KDM2B: variants seen among roughly 807,000 people sequenced by gnomAD.
The protein encoded by KDM2B is lysine demethylase 2B.
In KDM2B, 26 loss-of-function variants were observed where a neutral mutation model predicts 150.0. That is an observed-to-expected ratio of 0.17 (90% CI 0.13 to 0.24). KDM2B has a LOEUF of 0.24. KDM2B is among the 10% of genes least tolerant of loss of function. KDM2B has a pLI of 1.00. For missense variants in KDM2B, 1,265 were observed against 1,816.9 expected (o/e 0.70, Z 5.52); for synonymous variants, 734 against 729.5 (o/e 1.01, Z -0.10).
At chr12:121,416,700 A>G in the KDM2B span, 63 of 222,864 alleles carry the variant, frequency 2.8e-4, no homozygotes, top group African/African-American at 1.3e-3. Flanking sequence ...TACTGTAACT[A>G]TGATTCAGAT....
chr12:121,486,750 G>A (rs1882812077), intron 12 of KDM2B, among the ~76,000 whole-genome samples: 1 of 151,948 alleles, frequency 6.6e-6, no homozygotes, highest in South Asian at 2.1e-4. Context: ...TTGCACCACT[G>A]CACTCCAGCC....
At chr12:121,557,391 C>T (rs562840748) in intron 4 of KDM2B, among the ~76,000 whole-genome samples, 1 of 152,138 alleles carries the variant, frequency 6.6e-6, no homozygotes, top group Admixed American at 6.5e-5. Flanking sequence ...GCGCCTACCA[C>T]CACTTCCGGC....
chr12:121,549,751 C>A lies in KDM2B; in HGVS notation c.398-113G>T. ...CCTCCACGTTTCCCCACAGTCCTCA[C>A]CCCTCTTCCTCATCTGTTCAATTAC... On this transcript the variant is annotated intron_variant, in intron 4 of 22. Transcript: ENST00000377071. This position sits in a 1 kb window ranked among gnomAD's most constrained non-coding sequence, Gnocchi z 4.4. 1 of 921,432 alleles carries A rather than the reference C, an allele frequency of 1.1e-6. No homozygotes were observed. The highest frequency in any genetic ancestry group is 2.7e-5 in the East Asian group (1 of 37,036). 57.1% of individuals were successfully genotyped at this position (921,432 alleles called of 1,614,324 possible). A position where few individuals can be genotyped will look rare whatever the true frequency, so the allele number is the denominator to read the frequency against.
chr12:121,467,637 G>C lies in KDM2B; in HGVS notation c.1735-14293C>G, dbSNP rs1309320133. The C allele has an allele frequency of 6.6e-6, 1 of 150,960 alleles. No homozygotes were observed. The highest frequency in any genetic ancestry group is 1.5e-5 in the Non-Finnish European group (1 of 67,692). 9.4% of individuals were successfully genotyped at this position (150,960 alleles called of 1,614,324 possible). A position where few individuals can be genotyped will look rare whatever the true frequency, so the allele number is the denominator to read the frequency against. On this transcript the variant is annotated intron_variant, in intron 12 of 22. Transcript: ENST00000377071. The surrounding 1 kb of genome is among the most constrained non-coding windows in gnomAD (Gnocchi z 5.1). ...CCCGGCCCGGCCTGGCCCGCGCGCCGCGGGATGCACATGGGTGGCTGCACG... is the reference window on the plus strand; with the variant it reads ...CCCGGCCCGGCCTGGCCCGCGCGCCCCGGGATGCACATGGGTGGCTGCACG...
intron 12 of KDM2B, among the ~76,000 whole-genome samples, chr12:121,478,545 G>A (rs1881658691): frequency 6.6e-6 from 1 of 151,456 alleles, no homozygotes; most frequent in Non-Finnish European, 1.5e-5. Flanking sequence ...ATTTTTAGTA[G>A]AGACGGGGTT....
intron 4 of KDM2B, among the ~76,000 whole-genome samples, chr12:121,573,771 T>C (rs914190154): frequency 6.6e-6 from 1 of 151,734 alleles, no homozygotes; most frequent in Non-Finnish European, 1.5e-5. Flanking sequence ...GTATTTTTAG[T>C]AGAGACGGGG....
chr12:121,551,741 T>C (rs1182897623), intron 4 of KDM2B, among the ~76,000 whole-genome samples: 5 of 151,968 alleles, frequency 3.3e-5, no homozygotes, highest in African/African-American at 4.8e-5. Context: ...TTAGTAGAGA[T>C]GGAGTTTCGC....
rs782485655 is a variant in KDM2B, at chr12:121,442,367, C to T, written c.3074G>A (p.Arg1025Gln). The T allele has an allele frequency of 1.3e-5, 18 of 1,337,178 alleles. No individual in the cohort carries two copies. In the East Asian group the frequency reaches 3.6e-4, roughly 27 times the overall value. 82.8% of individuals were successfully genotyped at this position (1,337,178 alleles called of 1,614,324 possible). Residue 1025 changes from arginine (R) to glutamine (Q), a missense_variant, in exon 19 of 23, where the codon CGG (arginine) becomes CAG (glutamine). Physicochemically the swap from Arg to Gln is conservative, Grantham distance 43. This residue lies in a region of KDM2B where 418 missense variants were observed against 402.4 expected (regional missense o/e 1.04). Transcript: ENST00000377071. This position sits in a 1 kb window ranked among gnomAD's most constrained non-coding sequence, Gnocchi z 7.7. ...GGGCGGGGACACGGAGGGTGGGGGC[C>T]GGGAGATGACACGGGGCGGGCTGCG... ...SLRSPPRVIS[R>Q]PPPSVSPPKC...
intron 11 of KDM2B, among the ~76,000 whole-genome samples, chr12:121,506,240 C>T: frequency 6.6e-6 from 1 of 152,014 alleles, no homozygotes; most frequent in East Asian, 1.9e-4. Context: ...CTCCTGGGCT[C>T]GTGTGATCGG....
intron 12 of KDM2B, among the ~76,000 whole-genome samples, chr12:121,471,343 G>A (rs1205430137): frequency 6.6e-6 from 1 of 152,054 alleles, no homozygotes; most frequent in Non-Finnish European, 1.5e-5. Flanking sequence ...ATGTGATGTG[G>A]AAATAAACAA....
chr12:121,453,008 G>T lies in KDM2B; in HGVS notation c.1959+112C>A, dbSNP rs888602787. 7.9e-6 allele frequency: 8 copies of T among 1,009,122 alleles called. No individual in the cohort carries two copies. Among genetic ancestry groups the T allele is most frequent in the Admixed American group, 2.8e-5 (1 of 35,554 alleles). The allele number at this position is 1,009,122 out of a possible 1,614,324, so 62.5% of individuals were successfully genotyped here. A position where few individuals can be genotyped will look rare whatever the true frequency, so the allele number is the denominator to read the frequency against. On this transcript the variant is annotated intron_variant, in intron 13 of 22. Transcript: ENST00000377071. The surrounding 1 kb of genome is among the most constrained non-coding windows in gnomAD (Gnocchi z 6.4). Reference sequence around the variant, plus strand: ...AGGAAGAGCTCTCGGGGAGTCCACAGCCCCGGCTTCTCTGTGTGCGGAGGG... The same window carrying T: ...AGGAAGAGCTCTCGGGGAGTCCACATCCCCGGCTTCTCTGTGTGCGGAGGG...
intron 8 of KDM2B, among the ~76,000 whole-genome samples, chr12:121,530,114 G>A (rs903428437): frequency 1.3e-5 from 2 of 150,700 alleles, no homozygotes; most frequent in Admixed American, 6.7e-5. Flanking sequence ...TGTGGTCCCA[G>A]CTATTCGGGA....
chr12:121,491,363 T>C (rs1412993656), intron 12 of KDM2B, among the ~76,000 whole-genome samples: 1 of 152,160 alleles, frequency 6.6e-6, no homozygotes, highest in Non-Finnish European at 1.5e-5. Context: ...CTGTGTATAC[T>C]GGGGAGTGCC....
intron 6 of KDM2B, among the ~76,000 whole-genome samples, chr12:121,539,548 T>C (rs1321010569): frequency 6.6e-6 from 1 of 152,000 alleles, no homozygotes; most frequent in African/African-American, 2.4e-5. Flanking sequence ...CTGGGCTCTG[T>C]GACATTGGAC....
chr12:121,456,841 C>T (rs969565509), intron 12 of KDM2B, among the ~76,000 whole-genome samples: 4 of 152,200 alleles, frequency 2.6e-5, no homozygotes, highest in Non-Finnish European at 2.9e-5. Context: ...AGAGCACATA[C>T]CAGACAACAT....
rs2139475821 is a variant in KDM2B at position 121,467,148 on chromosome 12, G to A, written c.1735-13804C>T. On this transcript the variant is annotated intron_variant, in intron 12 of 22. Coordinates refer to ENST00000377071, the MANE Select transcript of KDM2B (RefSeq NM_032590.5). The surrounding 1 kb of genome is among the most constrained non-coding windows in gnomAD (Gnocchi z 5.1). Reference sequence around the variant, plus strand: ...GGGTCCCTCCCTCAGCCCCACCCCGGGCCGCCGACCTGGTCCGGCTCCGAT... The same window carrying A: ...GGGTCCCTCCCTCAGCCCCACCCCGAGCCGCCGACCTGGTCCGGCTCCGAT... The A allele has an allele frequency of 1.8e-6, 2 of 1,122,054 alleles. No individual in the cohort carries two copies. The highest frequency in any genetic ancestry group is 1.0e-4 in the East Asian group (1 of 9,692). The allele number at this position is 1,122,054 out of a possible 1,614,324, so 69.5% of individuals were successfully genotyped here.
chr12:121,476,565 T>C (rs535096862), intron 12 of KDM2B, among the ~76,000 whole-genome samples: 21 of 152,234 alleles, frequency 1.4e-4, no homozygotes, highest in African/African-American at 4.3e-4. Flanking sequence ...GTAACACGGT[T>C]AGAAACTATA....
At chr12:121,460,476 G>C (rs541666463) in intron 12 of KDM2B, among the ~76,000 whole-genome samples, 1 of 152,168 alleles carries the variant, frequency 6.6e-6, no homozygotes, top group Admixed American at 6.6e-5. Context: ...TCAGCTAACC[G>C]CAGCCTCGAC....
intron 12 of KDM2B, among the ~76,000 whole-genome samples, chr12:121,483,555 T>C (rs1219352263): frequency 1.3e-5 from 2 of 151,516 alleles, no homozygotes; most frequent in Non-Finnish European, 2.9e-5. Context: ...TGTGTATCTG[T>C]AGTCCCAGGT....
Sources: allele counts gnomAD v4.1 joint callset (sites outside exome capture counted in the v4.1 genomes callset), GRCh38; gene constraint gnomAD v4.1.1; regional missense constraint gnomAD v4.1.1; non-coding constraint Gnocchi (gnomAD v3.1); transcripts MANE v1.5; gene names NCBI Gene and HGNC (gene_info 2026-07-23, HGNC 2026-07-21).